CUX1: variants seen among roughly 807,000 people sequenced by gnomAD.
CUX1 encodes the protein cut like homeobox 1, also known as protein CASP.
CUX1 carries 31 observed loss-of-function variants against 158.8 expected under a neutral mutation model. That is an observed-to-expected ratio of 0.20 (90% CI 0.15 to 0.26). The LOEUF (loss-of-function observed/expected upper bound fraction) is 0.26, where lower values mean the gene tolerates loss of function less well. Among genes scored for constraint, CUX1 ranks in the 10% least tolerant of loss-of-function variants. The pLI, the probability that CUX1 is intolerant of heterozygous loss-of-function variation, is 1.00. For synonymous variants in CUX1, 879 were observed against 862.1 expected, an observed-to-expected ratio of 1.02 and a Z score of -0.34; for missense variants, 1,589 against 2,014.6, an observed-to-expected ratio of 0.79 and a Z score of 4.04.
At chr7:102,222,128 GCA>G (rs1329919421) in intron 20 of CUX1, among the ~76,000 whole-genome samples, 1 of 152,038 alleles carries the variant, frequency 6.6e-6, no homozygotes, top group African/African-American at 2.4e-5. Context: ...AGGCGTGGTG[GCA>G]CACACCTGTG....
At chr7:101,936,745 TG>T (rs1310840051) in intron 2 of CUX1, among the ~76,000 whole-genome samples, 2 of 152,138 alleles carry the variant, frequency 1.3e-5, no homozygotes, top group Non-Finnish European at 2.9e-5. Context: ...CTCCTCGCTT[TG>T]GGGTTTTGCT....
Position 102,250,304 on chromosome 7 carries a change from G to A in CUX1, c.*1262G>A. ...GGCGAGCACAGCAGGCAGTTCCAGG[G>A]CCAGACGGGCCCATCCCCAAGTAGA... On this transcript the variant is annotated 3_prime_UTR_variant, in exon 24 of 24. Coordinates refer to ENST00000292535, the MANE Select transcript of CUX1 (RefSeq NM_181552.4). 1.0e-6 allele frequency: 1 copy of A among 985,406 alleles called. No individual in the cohort carries two copies. Among genetic ancestry groups the A allele is most frequent in the South Asian group, 4.7e-5 (1 of 21,276 alleles). The allele number at this position is 985,406 out of a possible 1,614,324, so 61.0% of individuals were successfully genotyped here.
At chr7:101,901,837 G>C (rs1304963018) in intron 1 of CUX1, among the ~76,000 whole-genome samples, 2 of 152,238 alleles carry the variant, frequency 1.3e-5, no homozygotes, top group Non-Finnish European at 2.9e-5. Flanking sequence ...GAAGGGGAAG[G>C]GAGCCCTTGC....
At chr7:101,959,474 A>G (rs1030363225) in intron 2 of CUX1, 17 of 151,652 alleles carry the variant, frequency 1.1e-4, no homozygotes, top group Non-Finnish European at 1.9e-4. Context: ...ACCAGGCTGC[A>G]CTCCCCTCCT....
chr7:102,207,282 G>C (rs1796044837), intron 20 of CUX1, among the ~76,000 whole-genome samples: 1 of 152,118 alleles, frequency 6.6e-6, no homozygotes, highest in African/African-American at 2.4e-5. Flanking sequence ...TGAAGAGGCA[G>C]CAGATGGGTG....
intron 2 of CUX1, among the ~76,000 whole-genome samples, chr7:101,949,791 C>T (rs1808834189): frequency 6.6e-6 from 1 of 152,020 alleles, no homozygotes; most frequent in Non-Finnish European, 1.5e-5. Flanking sequence ...CTCAGCCTCC[C>T]AAAGTGCTGG....
intron 2 of CUX1, among the ~76,000 whole-genome samples, chr7:101,958,653 T>C (rs1247054608): frequency 2.0e-5 from 3 of 151,276 alleles, no homozygotes; most frequent in African/African-American, 7.3e-5. Flanking sequence ...GCTAATTTTG[T>C]ATTTTCAGTA....
intron 2 of CUX1, among the ~76,000 whole-genome samples, chr7:101,973,259 TGTGACCCACTGGGTCACA>T (rs1354187979): frequency 7.2e-5 from 11 of 152,122 alleles, no homozygotes; most frequent in Admixed American, 5.2e-4. Flanking sequence ...GCTCAGCACC[TGTGACCCACTGGGTCACA>T]GTGACCCACA....
intron 17 of CUX1, chr7:102,277,886 A>G: frequency 9.6e-7 from 1 of 1,043,126 alleles, no homozygotes; most frequent in Non-Finnish European, 1.4e-6. Context: ...AGGTAGACGG[A>G]GCAGCACCTG....
At chr7:101,833,702 GAGGCCAAGTCC>G (rs557081150) in intron 1 of CUX1, among the ~76,000 whole-genome samples, 5 of 152,114 alleles carry the variant, frequency 3.3e-5, no homozygotes, top group Admixed American at 3.3e-4. Context: ...GTATTTCCAG[GAGGCCAAGTCC>G]AGGGCTCTGG....
At chr7:101,935,469 C>T (rs1396889757) in intron 2 of CUX1, among the ~76,000 whole-genome samples, 1 of 152,242 alleles carries the variant, frequency 6.6e-6, no homozygotes, top group African/African-American at 2.4e-5. Flanking sequence ...CAAGGCCTGG[C>T]TCCGTCCACG....
chr7:102,241,609 G>T (rs1168691958), intron 23 of CUX1, among the ~76,000 whole-genome samples: 4 of 152,172 alleles, frequency 2.6e-5, no homozygotes, highest in African/African-American at 9.7e-5. Flanking sequence ...CCCAGGCTCT[G>T]AACAAATTGG....
At chr7:102,115,570 G>A (rs1464367937) in intron 8 of CUX1, 1 of 302,464 alleles carries the variant, frequency 3.3e-6, no homozygotes, top group Non-Finnish European at 6.0e-6. Context: ...GTGGAGTTGA[G>A]TCTGGGTAAA....
chr7:102,227,096 A>G (rs1277589216), intron 20 of CUX1, among the ~76,000 whole-genome samples: 1 of 152,128 alleles, frequency 6.6e-6, no homozygotes, highest in Non-Finnish European at 1.5e-5. Context: ...GAGTTTTTTT[A>G]GCAGAATGCC....
chr7:102,222,997 T>C (rs1331499957), intron 20 of CUX1, among the ~76,000 whole-genome samples: 21 of 147,332 alleles, frequency 1.4e-4, no homozygotes, highest in African/African-American at 4.8e-4. Flanking sequence ...AGAGATGGGG[T>C]TTCACCATGT....
At chr7:102,258,428 G>A (rs966239120), downstream of CUX1, among the ~76,000 whole-genome samples, 7 of 152,120 alleles carry the variant, frequency 4.6e-5, no homozygotes, top group Non-Finnish European at 8.8e-5. Flanking sequence ...TGGGGATCTC[G>A]GGCACTGCTC....
intron 1 of CUX1, among the ~76,000 whole-genome samples, chr7:101,874,426 T>C (rs940563762): frequency 4.3e-4 from 65 of 152,330 alleles, no homozygotes; most frequent in African/African-American, 1.5e-3. Flanking sequence ...CTGGGAGCCC[T>C]CGAACTTTTC....
At chr7:102,158,511 G>A in intron 8 of CUX1, 49 bp from the exon 9 acceptor site, 1 of 1,601,876 alleles carries the variant, frequency 6.2e-7, no homozygotes. Context: ...GTCACCCCCT[G>A]AGCCGGTCTC....
chr7:102,192,329 A>G (rs777516012), intron 12 of CUX1, among the ~76,000 whole-genome samples: 1 of 152,166 alleles, frequency 6.6e-6, no homozygotes, highest in Non-Finnish European at 1.5e-5. Flanking sequence ...TTCTGTCTTA[A>G]TGGACCACTT....
Sources: allele counts gnomAD v4.1 joint callset (sites outside exome capture counted in the v4.1 genomes callset), GRCh38; gene constraint gnomAD v4.1.1; transcripts MANE v1.5; gene names NCBI Gene and HGNC (gene_info 2026-07-23, HGNC 2026-07-21).